Variants in CDKN2B-AS1 observed in about 807,000 individuals in gnomAD.
CDKN2B-AS1 encodes CDKN2B and CDKN2A antisense cis and trans regulatory RNA 1.
intron 4 of CDKN2B-AS1, among the ~76,000 whole-genome samples, chr9:22,101,771 T>C (rs1438331266): frequency 6.6e-6 from 1 of 151,578 alleles, no homozygotes; most frequent in Non-Finnish European, 1.5e-5. Flanking sequence ...AAGAGAGGCC[T>C]AGAAGCAAGA....
intron 1 of CDKN2B-AS1, chr9:22,003,299 C>CA (rs3217991): frequency 0.34 from 74,280 of 217,026 alleles, 13,885 homozygotes; most frequent in East Asian, 0.51. Flanking sequence ...ACAAAACAAA[C>CA]AAAAAAAACA....
chr9:22,126,872 A>G (rs907525537), intron 4 of CDKN2B-AS1, among the ~76,000 whole-genome samples: 2 of 151,936 alleles, frequency 1.3e-5, no homozygotes, highest in Admixed American at 6.6e-5. Context: ...AGTGAATTCT[A>G]AGGAGTATCG....
chr9:22,045,425 C>A (rs1333610036), intron 1 of CDKN2B-AS1, among the ~76,000 whole-genome samples: 1 of 152,020 alleles, frequency 6.6e-6, no homozygotes, highest in Non-Finnish European at 1.5e-5. Flanking sequence ...GTTTTCTCAT[C>A]CAGCACATCA....
intron 1 of CDKN2B-AS1, chr9:22,029,501 C>T (rs1350323596): frequency 2.6e-6 from 2 of 779,594 alleles, no homozygotes; most frequent in Non-Finnish European, 2.4e-6. Flanking sequence ...GATGATTCCT[C>T]AGCTCCTCTC....
chr9:22,020,535 A>G (rs184382404), intron 1 of CDKN2B-AS1, among the ~76,000 whole-genome samples: 3 of 152,036 alleles, frequency 2.0e-5, no homozygotes, highest in African/African-American at 7.2e-5. Context: ...CCTCAACAGC[A>G]TCTGTTATTT....
At chr9:22,057,982 TGGTG>T in intron 4 of CDKN2B-AS1, among the ~76,000 whole-genome samples, 1 of 148,066 alleles carries the variant, frequency 6.8e-6, no homozygotes, top group Admixed American at 6.8e-5. Context: ...CCAGGTGTGG[TGGTG>T]GGCACCTGTA....
At chr9:22,079,131 A>C (rs1469232326) in intron 4 of CDKN2B-AS1, among the ~76,000 whole-genome samples, 1 of 152,234 alleles carries the variant, frequency 6.6e-6, no homozygotes, top group Non-Finnish European at 1.5e-5. Flanking sequence ...AAAAGAAACC[A>C]ATGAAAAACA....
chr9:22,008,952 A>G, intron 1 of CDKN2B-AS1: 1 of 1,613,036 alleles, frequency 6.2e-7, no homozygotes, highest in East Asian at 2.2e-5. Context: ...CTCCTCGCGC[A>G]TTCCGCAGCC....
rs774319928 is a variant in CDKN2B-AS1, at chr9:21,997,870, G to T, written n.29+2709G>T. 4.6e-5 allele frequency among the ~76,000 whole-genome samples: 7 copies of T among 152,072 alleles called. No individual in the cohort carries two copies. Among genetic ancestry groups the T allele is most frequent in the African/African-American group, 1.2e-4 (5 of 41,404 alleles). ...TGTCACATTATCCCGTCATGCCTGA[G>T]GGGTTCTCTGACCCTCAGTTTTCTG... On this transcript the variant is annotated intron_variant and non_coding_transcript_variant, in intron 1 of 4. Coordinates refer to ENST00000650946, the Ensembl canonical transcript of CDKN2B-AS1. This position sits in a 1 kb window ranked among gnomAD's most constrained non-coding sequence, Gnocchi z 4.8.
At chr9:22,071,741 A>G (rs977626319) in intron 4 of CDKN2B-AS1, among the ~76,000 whole-genome samples, 5 of 152,126 alleles carry the variant, frequency 3.3e-5, no homozygotes, top group South Asian at 2.1e-4. Context: ...CTTCCTTTTG[A>G]ATTATTTTTC....
In CDKN2B-AS1 at chr9:22,039,799, C is replaced by T. The variant is rs1301307426; in HGVS notation, n.30-6952C>T. ...TGTTATGGGCTGAATTGTGTTCCCC[C>T]GAAATGACTATGCTGAAGTCCTAAC... On this transcript the variant is annotated intron_variant and non_coding_transcript_variant, in intron 1 of 4. Coordinates refer to ENST00000650946, the Ensembl canonical transcript of CDKN2B-AS1. This position sits in a 1 kb window ranked among gnomAD's most constrained non-coding sequence, Gnocchi z 4.4. Among the ~76,000 whole-genome samples the T allele has an allele frequency of 2.0e-5, 3 of 151,890 alleles. No individual in the cohort carries two copies. Among genetic ancestry groups the T allele is most frequent in the Admixed American group, 6.6e-5 (1 of 15,220 alleles).
intron 1 of CDKN2B-AS1, among the ~76,000 whole-genome samples, chr9:22,027,450 A>G (rs190696692): frequency 7.0e-4 from 106 of 152,346 alleles, no homozygotes; most frequent in Middle Eastern, 3.4e-3. Flanking sequence ...GGCGTTTATC[A>G]CATAATATCG....
intron 4 of CDKN2B-AS1, among the ~76,000 whole-genome samples, chr9:22,075,941 C>G (rs1161778963): frequency 6.6e-6 from 1 of 152,138 alleles, no homozygotes; most frequent in Admixed American, 6.5e-5. Context: ...AGGGTGAGGA[C>G]AGGAAGCAGT....
At position 22,094,177 on chromosome 9, in the gene CDKN2B-AS1, C is replaced by G. The variant is rs945959928; in HGVS notation, n.439-32926C>G. ...CTCTTCTGGCTTGTAGAGTTTCTACCGAGAGATCAGCTGTTAGTCTGATGG... is the reference window on the plus strand; with the variant it reads ...CTCTTCTGGCTTGTAGAGTTTCTACGGAGAGATCAGCTGTTAGTCTGATGG... On this transcript the variant is annotated intron_variant and non_coding_transcript_variant, in intron 4 of 4. Transcript: ENST00000650946. 2.8e-5 allele frequency among the ~76,000 whole-genome samples: 4 copies of G among 144,026 alleles called. 1 individual carries two copies. Among genetic ancestry groups the G allele is most frequent in the African/African-American group, 5.8e-5 (2 of 34,346 alleles). 94.5% of individuals were successfully genotyped at this position (144,026 alleles called of 152,430 possible). A position where few individuals can be genotyped will look rare whatever the true frequency, so the allele number is the denominator to read the frequency against.
At position 22,039,448 on chromosome 9, in the gene CDKN2B-AS1, A is replaced by C. The variant is rs1056676793; in HGVS notation, n.30-7303A>C. On this transcript the variant is annotated intron_variant and non_coding_transcript_variant, in intron 1 of 4. Coordinates refer to ENST00000650946, the Ensembl canonical transcript of CDKN2B-AS1. The surrounding 1 kb of genome is among the most constrained non-coding windows in gnomAD (Gnocchi z 4.4). Reference sequence around the variant, plus strand: ...TCGGCCCCTGTTTTAGCTGTGTCTTAATTGCGCAACATCTGTTTACTCTGT... The same window carrying C: ...TCGGCCCCTGTTTTAGCTGTGTCTTCATTGCGCAACATCTGTTTACTCTGT... 6.6e-6 allele frequency among the ~76,000 whole-genome samples: 1 copy of C among 152,006 alleles called. No individual in the cohort carries two copies. The highest frequency in any genetic ancestry group is 2.4e-5 in the African/African-American group (1 of 41,416).
At chr9:22,053,638 C>T (rs1023292760) in intron 3 of CDKN2B-AS1, among the ~76,000 whole-genome samples, 3 of 152,216 alleles carry the variant, frequency 2.0e-5, no homozygotes, top group Non-Finnish European at 4.4e-5. Context: ...CACTTTCTTT[C>T]TTCCCAGTGT....
chr9:22,093,325 G>A (rs1299230931), intron 4 of CDKN2B-AS1, among the ~76,000 whole-genome samples: 1 of 127,358 alleles, frequency 7.9e-6, no homozygotes. Flanking sequence ...TTCTGTAGAT[G>A]TCTATTAGGT....
At chr9:22,073,359 A>G in intron 4 of CDKN2B-AS1, among the ~76,000 whole-genome samples, 1 of 152,296 alleles carries the variant, frequency 6.6e-6, no homozygotes, top group East Asian at 1.9e-4. Flanking sequence ...ACCCCTGCAA[A>G]ATATTTCTAA....
chr9:22,100,175 C>T (rs1035567628), intron 4 of CDKN2B-AS1, among the ~76,000 whole-genome samples: 5 of 152,176 alleles, frequency 3.3e-5, no homozygotes, highest in Admixed American at 6.5e-5. Context: ...ATAACTTCCA[C>T]GGTATAATTT....
Sources: gnomAD v4.1 joint callset for allele counts (sites outside exome capture counted in the v4.1 genomes callset) on GRCh38, gnomAD v4.1.1 for gene constraint, Gnocchi (gnomAD v3.1) non-coding constraint, MANE v1.5 for transcripts, NCBI Gene and HGNC (gene_info 2026-07-23, HGNC 2026-07-21) for gene names.